The following COL15A1 variants were observed in gnomAD, a reference collection of about 807,000 sequenced individuals.
COL15A1 encodes the protein collagen type XV alpha 1 chain.
A neutral mutation model predicts 165.9 loss-of-function variants in COL15A1; 111 were observed. The observed-to-expected ratio is 0.67, with a 90% CI of 0.57 to 0.78. The LOEUF (loss-of-function observed/expected upper bound fraction) is 0.78. Among genes scored for constraint, COL15A1 ranks in the 30% least tolerant of loss-of-function variants. The pLI is 0.00. For missense variants in COL15A1, 1,745 were observed against 1,789.7 expected (o/e 0.98, Z 0.45); for synonymous variants, 659 against 674.8 (o/e 0.98, Z 0.36).
intron 28 of COL15A1, among the ~76,000 whole-genome samples, chr9:99,049,236 G>A (rs951499847): frequency 2.6e-5 from 4 of 152,128 alleles, no homozygotes; most frequent in African/African-American, 7.2e-5. Context: ...CAAGAGTTTT[G>A]CATTTATGCT....
chr9:98,968,615 C>T (rs941079406), intron 2 of COL15A1, among the ~76,000 whole-genome samples: 12 of 152,186 alleles, frequency 7.9e-5, no homozygotes, highest in Non-Finnish European at 1.3e-4. Flanking sequence ...CTTTTTATCT[C>T]AAGATCCTTA....
At chr9:98,951,727 T>A (rs1421610216) in intron 2 of COL15A1, among the ~76,000 whole-genome samples, 2 of 151,418 alleles carry the variant, frequency 1.3e-5, no homozygotes, top group Non-Finnish European at 2.9e-5. Flanking sequence ...CCAGCTAATT[T>A]AAAAATTTTT....
At chr9:99,003,376 G>A (rs1475475780) in intron 7 of COL15A1, 77 bp from the exon 8 acceptor site, 4 of 1,179,916 alleles carry the variant, frequency 3.4e-6, no homozygotes, top group South Asian at 2.3e-5. Context: ...AGAAGGCTAG[G>A]CAGTCTGTTC....
chr9:98,954,760 G>A (rs1275588169), intron 2 of COL15A1, among the ~76,000 whole-genome samples: 1 of 152,146 alleles, frequency 6.6e-6, no homozygotes, highest in Non-Finnish European at 1.5e-5. Flanking sequence ...TATACTCCCT[G>A]CAACAGCATA....
intron 16 of COL15A1, 70 bp from the exon 17 acceptor site, chr9:99,034,479 C>G: frequency 6.6e-7 from 1 of 1,520,294 alleles, no homozygotes; most frequent in South Asian, 1.3e-5. Context: ...CATAATTGTG[C>G]ATTGTCTTCA....
intron 32 of COL15A1, 36 bp from the exon 33 acceptor site, chr9:99,055,066 T>C: frequency 6.4e-7 from 1 of 1,566,984 alleles, no homozygotes; most frequent in African/African-American, 1.4e-5. Context: ...TTTCTGAAAT[T>C]ACAATCGTGA....
In COL15A1 at chr9:99,036,227, G is replaced by A. The variant is rs199692982; in HGVS notation, c.2325+22G>A. ...CAAGGTGAGGTCACAGAGCCAAGGT[G>A]GGGGTGGGAGGGCTTTCCAGCCTGG... On this transcript the variant is annotated intron_variant, in intron 20 of 41. Transcript: ENST00000375001. 3.6e-4 allele frequency: 588 copies of A among 1,613,148 alleles called. 4 individuals are homozygous for A. Among genetic ancestry groups the A allele is most frequent in the South Asian group, 3.5e-3 (319 of 91,062 alleles).
chr9:98,953,204 C>A (rs1423146539), intron 2 of COL15A1, among the ~76,000 whole-genome samples: 2 of 152,140 alleles, frequency 1.3e-5, no homozygotes, highest in South Asian at 4.2e-4. Context: ...TGGGGTATGA[C>A]CTATTGCTGT....
intron 10 of COL15A1, 47 bp from the exon 11 acceptor site, chr9:99,015,929 C>T: frequency 6.3e-7 from 1 of 1,598,190 alleles, no homozygotes; most frequent in Non-Finnish European, 8.5e-7. Flanking sequence ...CCCTGGCAGC[C>T]TCATGAGCGA....
intron 9 of COL15A1, among the ~76,000 whole-genome samples, chr9:99,006,668 C>T (rs562972083): frequency 8.6e-4 from 131 of 152,326 alleles, no homozygotes; most frequent in African/African-American, 2.7e-3. Flanking sequence ...TCCTCCTCTT[C>T]TTCTCCACCT....
At position 99,070,720 on chromosome 9, in the gene COL15A1, T is replaced by A. The variant is rs1825971207; in HGVS notation, c.*834T>A. On this transcript the variant is annotated 3_prime_UTR_variant, in exon 42 of 42. Transcript: ENST00000375001. ...ATTTTCTGAGAAACATATATCTACATGTTGTATAATTGGATTTTTTTTCCA... is the reference window on the plus strand; with the variant it reads ...ATTTTCTGAGAAACATATATCTACAAGTTGTATAATTGGATTTTTTTTCCA... The A allele has an allele frequency of 7.6e-6, 3 of 393,694 alleles. No homozygotes were observed. The highest frequency in any genetic ancestry group is 6.4e-5 in the African/African-American group (3 of 46,938). The allele number at this position is 393,694 out of a possible 1,614,324, so 24.4% of individuals were successfully genotyped here. A position where few individuals can be genotyped will look rare whatever the true frequency, so the allele number is the denominator to read the frequency against.
At chr9:98,953,902 G>A (rs1837731839) in intron 2 of COL15A1, among the ~76,000 whole-genome samples, 1 of 152,224 alleles carries the variant, frequency 6.6e-6, no homozygotes, top group Non-Finnish European at 1.5e-5. Flanking sequence ...TGGTCTGTCT[G>A]TTCTGTATTA....
chr9:98,954,101 T>C (rs1193431534), intron 2 of COL15A1, among the ~76,000 whole-genome samples: 1 of 152,208 alleles, frequency 6.6e-6, no homozygotes, highest in Admixed American at 6.5e-5. Flanking sequence ...GAGCTTGTCC[T>C]GAGTTTCCTA....
At chr9:98,969,901 CAA>C (rs1367244985) in intron 2 of COL15A1, among the ~76,000 whole-genome samples, 1 of 152,112 alleles carries the variant, frequency 6.6e-6, no homozygotes, top group East Asian at 1.9e-4. Context: ...AAATTGGGAA[CAA>C]AAAGAGTGGG....
chr9:98,994,116 G>A (rs777736662), intron 5 of COL15A1, among the ~76,000 whole-genome samples: 15 of 151,678 alleles, frequency 9.9e-5, no homozygotes, highest in Non-Finnish European at 5.9e-5. Context: ...GTGTGTTGGG[G>A]GTGGGGGTGG....
At chr9:99,025,106 G>A (rs941259539) in intron 15 of COL15A1, 107 bp downstream of exon 15, 28 of 841,324 alleles carry the variant, frequency 3.3e-5, no homozygotes, top group African/African-American at 2.4e-4. Flanking sequence ...TTCGCGATGG[G>A]GAGAGAGCAG....
chr9:98,997,072 C>T lies in COL15A1; in HGVS notation c.943C>T (p.Pro315Ser). 1 of 1,614,166 alleles carries T rather than the reference C, an allele frequency of 6.2e-7. No homozygotes were observed. Among genetic ancestry groups the T allele is most frequent in the Non-Finnish European group, 8.5e-7 (1 of 1,180,018 alleles). ...CATGAGCATCATCCAGCACAGCAGC[C>T]CCAAACAAGGCAAGTCCGGATGCAC... ...TNMSIIQHSSPKQGSGEILND... is the reference protein window; with the variant it reads ...TNMSIIQHSSSKQGSGEILND... The change falls in exon 6 of 42, where the codon CCC (proline) becomes TCC (serine). Residue 315 changes from proline to serine, a missense_variant. Pro to Ser is a moderately conservative substitution (Grantham distance 74). Coordinates refer to ENST00000375001, the MANE Select transcript of COL15A1 (RefSeq NM_001855.5).
At chr9:99,041,918 A>G in intron 23 of COL15A1, 127 bp from the exon 24 acceptor site, 1 of 640,334 alleles carries the variant, frequency 1.6e-6, no homozygotes. Flanking sequence ...GTCATAGGTA[A>G]TCATGACTTC....
At chr9:98,995,837 C>T (rs1409202430) in intron 5 of COL15A1, among the ~76,000 whole-genome samples, 3 of 152,112 alleles carry the variant, frequency 2.0e-5, no homozygotes, top group African/African-American at 7.2e-5. Context: ...TGTGCTTAGC[C>T]CTTCCATGCA....
Sources: allele counts gnomAD v4.1 joint callset (sites outside exome capture counted in the v4.1 genomes callset), GRCh38; gene constraint gnomAD v4.1.1; transcripts MANE v1.5; gene names NCBI Gene and HGNC (gene_info 2026-07-23, HGNC 2026-07-21).